CCDC88B: variants seen among roughly 807,000 people sequenced by gnomAD.
The protein encoded by CCDC88B is coiled-coil domain-containing protein 88B.
In CCDC88B, 138 loss-of-function variants were observed where a neutral mutation model predicts 183.7. That is an observed-to-expected ratio of 0.75 (90% CI 0.65 to 0.87). CCDC88B has a LOEUF of 0.87. Among genes scored for constraint, CCDC88B ranks in the 40% least tolerant of loss-of-function variants. The probability of loss-of-function intolerance (pLI) is 0.00; values close to 1 mark genes in which losing one functional copy is unlikely to be tolerated. For missense variants in CCDC88B, 1,822 were observed against 1,965.6 expected (o/e 0.93, Z 1.38); for synonymous variants, 835 against 867.5 (o/e 0.96, Z 0.66).
In CCDC88B at chr11:64,351,553, G is replaced by T. The variant is rs1279495483; in HGVS notation, c.3036G>T (p.Gln1012His). ...QHLEGQLGSL[Q>H]GRAQELLLQS... ...TGGAGGGGCAGCTGGGGAGCCTGCA[G>T]GGCCGTGCCCAGGAGCTGCTGCTGC... The change falls in exon 18 of 27, where the codon CAG becomes CAT. Residue 1012 changes from glutamine (Q) to histidine (H), a missense_variant. By Grantham distance (24) the Gln-to-His change is conservative. Transcript: ENST00000356786. The T allele has an allele frequency of 3.2e-6, 5 of 1,568,440 alleles. No homozygotes were observed. Among genetic ancestry groups the T allele is most frequent in the Non-Finnish European group, 4.3e-6 (5 of 1,165,344 alleles).
At chr11:64,341,784 G>A (rs747881574) in intron 7 of CCDC88B, 42 bp downstream of exon 7, 39 of 1,540,110 alleles carry the variant, frequency 2.5e-5, no homozygotes, top group Non-Finnish European at 3.0e-5. Context: ...TTGGGGAACT[G>A]GAGGACCATC....
Position 64,355,551 on chromosome 11 carries a change from G to A in CCDC88B, c.4307-9G>A, listed in dbSNP as rs775781951. On this transcript the variant is annotated splice_polypyrimidine_tract_variant and intron_variant, in intron 25 of 26. Coordinates refer to ENST00000356786, the MANE Select transcript of CCDC88B (RefSeq NM_032251.6). Reference sequence around the variant, plus strand: ...GCCCTGGGCCCAGTGGTTGCCTTGTGCCTCCCAGGACCTGGTGTGGGATGG... The same window carrying A: ...GCCCTGGGCCCAGTGGTTGCCTTGTACCTCCCAGGACCTGGTGTGGGATGG... 7 of 1,612,916 alleles carry A rather than the reference G, an allele frequency of 4.3e-6. No homozygotes were observed. The Admixed American group carries it at 6.7e-5, about 15-fold the overall frequency.
At chr11:64,345,773 G>A (rs796777864) in intron 14 of CCDC88B, among the ~76,000 whole-genome samples, 6 of 152,172 alleles carry the variant, frequency 3.9e-5, no homozygotes, top group African/African-American at 1.4e-4. Context: ...TTGGGAGGCC[G>A]AGGTGGGTGG....
intron 14 of CCDC88B, among the ~76,000 whole-genome samples, chr11:64,348,651 A>G (rs1343492652): frequency 6.6e-6 from 1 of 152,138 alleles, no homozygotes; most frequent in Non-Finnish European, 1.5e-5. Context: ...CTTGGTTTCC[A>G]AGGCAGGATT....
chr11:64,351,043 G>T, intron 16 of CCDC88B, 117 bp from the exon 17 acceptor site: 2 of 642,880 alleles, frequency 3.1e-6, no homozygotes, highest in Non-Finnish European at 2.5e-6. Context: ...ATGGGATTGG[G>T]GCGGGGTGGA....
Position 64,355,265 on chromosome 11 carries a change from G to A in CCDC88B, c.4171G>A (p.Gly1391Arg), listed in dbSNP as rs146196688. The A allele has an allele frequency of 1.1e-5, 17 of 1,574,938 alleles. No individual in the cohort carries two copies. Among genetic ancestry groups the A allele is most frequent in the Admixed American group, 1.9e-5 (1 of 53,826 alleles). Residue 1391 changes from glycine (G) to arginine (R), a missense_variant, in exon 25 of 27, where the codon GGG (glycine) becomes AGG (arginine). Transcript: ENST00000356786. Reference protein sequence around the residue: ...LCLRDETLAGGQRRKLSSRFP... With the variant: ...LCLRDETLAGRQRRKLSSRFP... ...CCTGCGGGATGAGACCTTGGCAGGC[G>A]GGCAGCGGCGGAAACTCAGCTCAAG...
At position 64,353,338 on chromosome 11, in the gene CCDC88B, G is replaced by T; in HGVS notation, c.3688-13G>T. 2.5e-6 allele frequency: 4 copies of T among 1,612,254 alleles called. No homozygotes were observed. Among genetic ancestry groups the T allele is most frequent in the Non-Finnish European group, 3.4e-6 (4 of 1,179,352 alleles). On this transcript the variant is annotated splice_polypyrimidine_tract_variant and intron_variant, in intron 21 of 26. Coordinates refer to ENST00000356786, the MANE Select transcript of CCDC88B (RefSeq NM_032251.6). ...TGGGTCCCACCCTCCGAGCCATGGT[G>T]CCCCCCTGCCAGCTATTGACACAGC...
chr11:64,355,430 G>GC, intron 25 of CCDC88B, 30 bp downstream of exon 25: 1 of 1,585,790 alleles, frequency 6.3e-7, no homozygotes, highest in Non-Finnish European at 8.6e-7. Flanking sequence ...GTACCAGCCA[G>GC]CCCCCCAACT....
At chr11:64,352,677 T>C (rs1172875080) in intron 19 of CCDC88B, 67 bp from the exon 20 acceptor site, 6 of 1,606,784 alleles carry the variant, frequency 3.7e-6, no homozygotes, top group East Asian at 2.2e-5. Context: ...CGGGTCCAGA[T>C]AGTCCAGCCA....
intron 14 of CCDC88B, among the ~76,000 whole-genome samples, chr11:64,345,675 G>A (rs2036079256): frequency 6.6e-6 from 1 of 152,198 alleles, no homozygotes; most frequent in Admixed American, 6.5e-5. Flanking sequence ...AGGACATTTT[G>A]TCCAGAGGGA....
At chr11:64,356,712 G>A (rs2036557665) in intron 26 of CCDC88B, 1 of 411,116 alleles carries the variant, frequency 2.4e-6, no homozygotes, top group Non-Finnish European at 4.3e-6. Context: ...AATGCTCTGG[G>A]AAGAAAGGAG....
At position 64,344,011 on chromosome 11, in the gene CCDC88B, G is replaced by A; in HGVS notation, c.1470G>A (p.Glu490=). The A allele has an allele frequency of 6.4e-7, 1 of 1,557,096 alleles. No homozygotes were observed. The highest frequency in any genetic ancestry group is 8.7e-7 in the Non-Finnish European group (1 of 1,150,046). Residue 490 remains glutamate (E), a synonymous_variant, in exon 14 of 27, where the codon GAG becomes GAA. Coordinates refer to ENST00000356786, the MANE Select transcript of CCDC88B (RefSeq NM_032251.6). The surrounding 1 kb of genome is among the most constrained non-coding windows in gnomAD (Gnocchi z 4.5). ...TATGCCCTCAGCACCCCCTGCTGGA[G>A]GCACCGAGAGAGGACCCTGTTCTTC... ...GQPGGQHPLL[E]APREDPVLPV...
At chr11:64,349,075 T>C in intron 14 of CCDC88B, 1 of 716,012 alleles carries the variant, frequency 1.4e-6, no homozygotes, top group Non-Finnish European at 2.6e-6. Flanking sequence ...GCCCAACATG[T>C]GTCACCTACC....
At position 64,351,150 on chromosome 11, in the gene CCDC88B, C is replaced by G; in HGVS notation, c.2863-10C>G. On this transcript the variant is annotated splice_polypyrimidine_tract_variant and intron_variant, in intron 16 of 26. Coordinates refer to ENST00000356786, the MANE Select transcript of CCDC88B (RefSeq NM_032251.6). Reference sequence around the variant, plus strand: ...TGTCCCGCATGACCTCCCAGGGACTCTCCTTGCAGCTGCGCCAGGGCCCCG... The same window carrying G: ...TGTCCCGCATGACCTCCCAGGGACTGTCCTTGCAGCTGCGCCAGGGCCCCG... The G allele has an allele frequency of 2.0e-6, 3 of 1,469,060 alleles. No individual in the cohort carries two copies. The highest frequency in any genetic ancestry group is 1.8e-6 in the Non-Finnish European group (2 of 1,111,532). 91.0% of individuals were successfully genotyped at this position (1,469,060 alleles called of 1,614,324 possible). A position where few individuals can be genotyped will look rare whatever the true frequency, so the allele number is the denominator to read the frequency against.
rs2036308584 is a variant in CCDC88B, at chr11:64,351,085, A to G, written c.2863-75A>G. On this transcript the variant is annotated intron_variant, in intron 16 of 26. Coordinates refer to ENST00000356786, the MANE Select transcript of CCDC88B (RefSeq NM_032251.6). Reference sequence around the variant, plus strand: ...TAAATGCTGCTGGCAGGGCAGGTCCATAAGCGCAGGTCCTTGAGGCATCCC... The same window carrying G: ...TAAATGCTGCTGGCAGGGCAGGTCCGTAAGCGCAGGTCCTTGAGGCATCCC... 5 of 1,100,182 alleles carry G rather than the reference A, an allele frequency of 4.5e-6. No individual in the cohort carries two copies. The South Asian group carries it at 7.1e-5, about 16-fold the overall frequency. 68.2% of individuals were successfully genotyped at this position (1,100,182 alleles called of 1,614,324 possible).
At chr11:64,343,104 A>G in intron 10 of CCDC88B, 75 bp from the exon 11 acceptor site, 2 of 1,437,132 alleles carry the variant, frequency 1.4e-6, no homozygotes, top group Non-Finnish European at 1.8e-6. Context: ...GGCTGAGGGG[A>G]AGGAGTTTGG....
At position 64,353,780 on chromosome 11, in the gene CCDC88B, G is replaced by C; in HGVS notation, c.3899G>C (p.Arg1300Pro). The C allele has an allele frequency of 6.2e-7, 1 of 1,614,012 alleles. No homozygotes were observed. Among genetic ancestry groups the C allele is most frequent in the Non-Finnish European group, 8.5e-7 (1 of 1,179,958 alleles). ...GTGGAGAAGATCATGGACCAATACC[G>C]CGTGCTGGAGCCTGTGCCCCTGCCC... ...KLVEKIMDQYRVLEPVPLPRT... is the reference protein window; with the variant it reads ...KLVEKIMDQYPVLEPVPLPRT... The change falls in exon 23 of 27, where the codon CGC becomes CCC. Residue 1300 changes from arginine to proline, a missense_variant. Transcript: ENST00000356786.
chr11:64,353,033 C>T, intron 20 of CCDC88B, 21 bp from the exon 21 acceptor site: 1 of 1,566,102 alleles, frequency 6.4e-7, no homozygotes, highest in Admixed American at 1.9e-5. Flanking sequence ...CCTTGGAGAG[C>T]AGCTCTCCTT....
Position 64,340,488 on chromosome 11 carries a change from A to C in CCDC88B, c.61-119A>C, listed in dbSNP as rs1408529554. ...ATGGTGTGGGGGGCTGTGGTGAGGG[A>C]AGAGGGGACAGAGGCACTCAGAGGA... On this transcript the variant is annotated intron_variant, in intron 1 of 26. Coordinates refer to ENST00000356786, the MANE Select transcript of CCDC88B (RefSeq NM_032251.6). 8.9e-6 allele frequency: 13 copies of C among 1,460,662 alleles called. 1 individual carries two copies. The South Asian group carries it at 1.2e-4, about 14-fold the overall frequency. 90.5% of individuals were successfully genotyped at this position (1,460,662 alleles called of 1,614,324 possible).
Sources: gnomAD v4.1 joint callset for allele counts (sites outside exome capture counted in the v4.1 genomes callset) on GRCh38, gnomAD v4.1.1 for gene constraint, Gnocchi (gnomAD v3.1) non-coding constraint, MANE v1.5 for transcripts, NCBI Gene and HGNC (gene_info 2026-07-23, HGNC 2026-07-21) for gene names.